The following QTMAN variants were observed in gnomAD, a reference collection of about 807,000 sequenced individuals.
QTMAN encodes tRNA-queuosine alpha-mannosyltransferase.
At chr2:144,297,674 G>A in the QTMAN span, among the ~76,000 whole-genome samples, 17 of 146,356 alleles carry the variant, frequency 1.2e-4, no homozygotes, top group African/African-American at 3.5e-4. Flanking sequence ...TCCACCTCCC[G>A]GGTTCAAACG....
the QTMAN span, among the ~76,000 whole-genome samples, chr2:144,058,897 C>A: frequency 6.6e-6 from 1 of 152,198 alleles, no homozygotes; most frequent in Non-Finnish European, 1.5e-5. Flanking sequence ...TTAGCTCATT[C>A]AGTCCAGACA....
chr2:144,184,388 C>A, the QTMAN span, among the ~76,000 whole-genome samples: 1 of 152,036 alleles, frequency 6.6e-6, no homozygotes, highest in Non-Finnish European at 1.5e-5. Context: ...GCAAATGCTA[C>A]AATATTTGCT....
At chr2:144,075,967 T>C in the QTMAN span, among the ~76,000 whole-genome samples, 9,305 of 152,270 alleles carry the variant, frequency 0.061, 950 homozygotes, top group African/African-American at 0.21. Flanking sequence ...GTCTTATGTA[T>C]GCCGGGTGCA....
At chr2:144,331,409 G>A in the QTMAN span, among the ~76,000 whole-genome samples, 1 of 151,356 alleles carries the variant, frequency 6.6e-6, no homozygotes, top group Non-Finnish European at 1.5e-5. Context: ...AACTTCAGGG[G>A]TAGGCACCAA....
chr2:144,217,960 A>G, the QTMAN span, among the ~76,000 whole-genome samples: 2 of 152,200 alleles, frequency 1.3e-5, no homozygotes, highest in Non-Finnish European at 2.9e-5. Context: ...TTTAATGTCA[A>G]TATCTCCACT....
the QTMAN span, among the ~76,000 whole-genome samples, chr2:143,963,324 A>C: frequency 6.6e-6 from 1 of 152,268 alleles, no homozygotes; most frequent in Admixed American, 6.5e-5. Flanking sequence ...TTGTTTTATC[A>C]TATAAACATT....
chr2:143,985,093 C>A, the QTMAN span, among the ~76,000 whole-genome samples: 92 of 152,334 alleles, frequency 6.0e-4, no homozygotes, highest in Non-Finnish European at 1.1e-3. Context: ...GTCACAGACA[C>A]CTCCTCCTGG....
At chr2:144,076,839 C>A in the QTMAN span, among the ~76,000 whole-genome samples, 1 of 152,030 alleles carries the variant, frequency 6.6e-6, no homozygotes, top group Non-Finnish European at 1.5e-5. Flanking sequence ...AAACCACAGG[C>A]CGGGCACAGT....
the QTMAN span, among the ~76,000 whole-genome samples, chr2:143,996,803 A>G: frequency 6.6e-6 from 1 of 152,038 alleles, no homozygotes; most frequent in Admixed American, 6.6e-5. Context: ...AAACATATAC[A>G]CCGAACCACT....
At chr2:144,133,115 TAATA>T in the QTMAN span, among the ~76,000 whole-genome samples, 7 of 8,958 alleles carry the variant, frequency 7.8e-4, no homozygotes, top group East Asian at 2.2e-3. Context: ...GAATGACTGG[TAATA>T]TATATATATA....
At chr2:144,045,273 G>A in the QTMAN span, among the ~76,000 whole-genome samples, 1 of 152,206 alleles carries the variant, frequency 6.6e-6, no homozygotes, top group Non-Finnish European at 1.5e-5. Context: ...ATAGAATGTT[G>A]AATGTCTACA....
chr2:144,176,958 G>A, the QTMAN span, among the ~76,000 whole-genome samples: 3 of 152,162 alleles, frequency 2.0e-5, no homozygotes, highest in Non-Finnish European at 2.9e-5. Context: ...TACAATCACC[G>A]CAGACGGTAA....
chr2:144,255,944 G>A, the QTMAN span, among the ~76,000 whole-genome samples: 294 of 152,264 alleles, frequency 1.9e-3, 1 homozygote, highest in African/African-American at 6.6e-3. Context: ...GGCTGAAGGG[G>A]ACTATCCTCT....
the QTMAN span, among the ~76,000 whole-genome samples, chr2:143,979,940 C>A: frequency 6.6e-6 from 1 of 152,102 alleles, no homozygotes; most frequent in African/African-American, 2.4e-5. Flanking sequence ...CTTAGCGAGG[C>A]CTCTTTTTTC....
At chr2:144,107,886 C>A in the QTMAN span, among the ~76,000 whole-genome samples, 1 of 152,196 alleles carries the variant, frequency 6.6e-6, no homozygotes, top group African/African-American at 2.4e-5. Context: ...TCCAGCAGCA[C>A]ATCAAAAGTC....
the QTMAN span, among the ~76,000 whole-genome samples, chr2:144,100,958 C>T: frequency 6.7e-6 from 1 of 150,360 alleles, no homozygotes; most frequent in South Asian, 2.1e-4. Flanking sequence ...CAAGCTCCGC[C>T]TCCCGGGTTG....
At chr2:144,241,816 T>C in the QTMAN span, among the ~76,000 whole-genome samples, 1 of 150,654 alleles carries the variant, frequency 6.6e-6, no homozygotes, top group African/African-American at 2.4e-5. Context: ...CTTAGCATTC[T>C]ACCACATGCC....
the QTMAN span, among the ~76,000 whole-genome samples, chr2:143,974,798 A>C: frequency 6.6e-6 from 1 of 152,164 alleles, no homozygotes; most frequent in Non-Finnish European, 1.5e-5. Context: ...CATCACTAAT[A>C]TTCTACCATA....
the QTMAN span, chr2:144,011,706 G>A: frequency 1.0e-6 from 1 of 984,370 alleles, no homozygotes; most frequent in Non-Finnish European, 1.2e-6. Flanking sequence ...TATAGAACTG[G>A]ACAGAATGTT....
Sources: allele counts gnomAD v4.1 joint callset (sites outside exome capture counted in the v4.1 genomes callset), GRCh38; gene constraint gnomAD v4.1.1; transcripts MANE v1.5; gene names NCBI Gene and HGNC (gene_info 2026-07-23, HGNC 2026-07-21).